CDH18: variants seen among roughly 807,000 people sequenced by gnomAD.
CDH18 encodes the protein cadherin 18, also known as cadherin-18.
A neutral mutation model predicts 67.9 loss-of-function variants in CDH18; 31 were observed. The ratio of observed to expected loss-of-function variants is 0.46; its 90% CI spans 0.34 to 0.62. CDH18 has a LOEUF of 0.62. Among genes scored for constraint, CDH18 ranks in the 20% least tolerant of loss-of-function variants. The pLI, the probability that CDH18 is intolerant of heterozygous loss-of-function variation, is 0.01. For synonymous variants in CDH18, 362 were observed against 347.2 expected (o/e 1.04, Z -0.48); for missense variants, 890 against 975.5 (o/e 0.91, Z 1.17).
intron 2 of CDH18, among the ~76,000 whole-genome samples, chr5:20,052,543 T>A (rs1235936689): frequency 6.6e-6 from 1 of 152,098 alleles, no homozygotes; most frequent in Admixed American, 6.6e-5. Flanking sequence ...ACTGAGTCTA[T>A]AATTGTTTCT....
intron 1 of CDH18, among the ~76,000 whole-genome samples, chr5:20,334,628 AAAG>A (rs1739537010): frequency 6.6e-6 from 1 of 152,278 alleles, no homozygotes; most frequent in African/African-American, 2.4e-5. Context: ...TTATGGGGTG[AAAG>A]AAGAATAGTC....
At chr5:20,529,959 G>C (rs1756299164) in intron 1 of CDH18, among the ~76,000 whole-genome samples, 1 of 152,022 alleles carries the variant, frequency 6.6e-6, no homozygotes, top group Non-Finnish European at 1.5e-5. Context: ...GTCTTTGTTT[G>C]CAGATGACAT....
At chr5:20,195,498 C>T (rs1292632097) in intron 2 of CDH18, among the ~76,000 whole-genome samples, 3 of 151,840 alleles carry the variant, frequency 2.0e-5, no homozygotes, top group Non-Finnish European at 4.4e-5. Context: ...TAAATAAAAC[C>T]AGAGCCAACA....
chr5:19,528,868 C>T (rs182203414), intron 9 of CDH18, among the ~76,000 whole-genome samples: 223 of 151,824 alleles, frequency 1.5e-3, no homozygotes, highest in Non-Finnish European at 2.5e-3. Context: ...ACTTAAAGTA[C>T]GTTACACAAA....
rs912212774 is a variant in CDH18 at position 20,379,935 on chromosome 5, C to A, written c.-579-124430G>T. On this transcript the variant is annotated intron_variant, in intron 1 of 14. Transcript: ENST00000507958. ...GCCTTCTAGATAGACACTAAAAAAA[C>A]CAACATAATATGGTGGTACAGTTGC... Among the ~76,000 whole-genome samples, 118 of 151,990 alleles carry A rather than the reference C, an allele frequency of 7.8e-4. 1 individual carries two copies. The highest frequency in any genetic ancestry group is 3.3e-3 in the South Asian group (16 of 4,812).
intron 2 of CDH18, among the ~76,000 whole-genome samples, chr5:20,197,281 G>A (rs572065416): frequency 8.5e-5 from 13 of 152,266 alleles, no homozygotes; most frequent in Non-Finnish European, 1.6e-4. Flanking sequence ...CAAAGTGCTA[G>A]TATTAAGGCA....
At chr5:19,884,959 C>T (rs181841398) in intron 2 of CDH18, among the ~76,000 whole-genome samples, 1 of 152,192 alleles carries the variant, frequency 6.6e-6, no homozygotes. Context: ...TTCACACTAT[C>T]AAGACATTAT....
chr5:19,552,313 C>T (rs1737599696), intron 8 of CDH18, among the ~76,000 whole-genome samples: 1 of 151,984 alleles, frequency 6.6e-6, no homozygotes, highest in Non-Finnish European at 1.5e-5. Flanking sequence ...GCGCCTCACC[C>T]AAAATTCATA....
intron 1 of CDH18, among the ~76,000 whole-genome samples, chr5:20,504,715 A>G (rs1754548071): frequency 6.6e-6 from 1 of 152,096 alleles, no homozygotes; most frequent in African/African-American, 2.4e-5. Context: ...AACTTAATAA[A>G]AAATAAAGTC....
chr5:20,524,401 T>C (rs186464131), intron 1 of CDH18, among the ~76,000 whole-genome samples: 2 of 152,338 alleles, frequency 1.3e-5, no homozygotes, highest in Admixed American at 1.3e-4. Flanking sequence ...GTTTAGTCAA[T>C]TTGTTATGGA....
chr5:19,844,045 G>A (rs1373688258), intron 2 of CDH18, among the ~76,000 whole-genome samples: 1 of 152,146 alleles, frequency 6.6e-6, no homozygotes, highest in Non-Finnish European at 1.5e-5. Context: ...GATTTTATAG[G>A]CTCCTAGGTG....
chr5:19,774,927 A>AACG, intron 3 of CDH18, among the ~76,000 whole-genome samples: 1 of 150,618 alleles, frequency 6.6e-6, no homozygotes, highest in Non-Finnish European at 1.5e-5. Flanking sequence ...AACAGAACCC[A>AACG]ACGGACCACG....
At position 20,106,348 on chromosome 5, in the gene CDH18, G is replaced by T. The variant is rs138769956; in HGVS notation, c.-517-114334C>A. Among the ~76,000 whole-genome samples, 294 of 152,172 alleles carry T rather than the reference G, an allele frequency of 1.9e-3. 1 individual carries two copies. The highest frequency in any genetic ancestry group is 6.4e-3 in the African/African-American group (267 of 41,498). The stretch of plus-strand genomic sequence containing the variant: ...TCACATTCCTACTTGTTTTCTTAAC[G>T]CTGTTTACACCTGTTAAATAATCAC... On this transcript the variant is annotated intron_variant, in intron 2 of 14. Transcript: ENST00000507958.
At chr5:19,654,747 G>T (rs1215119320) in intron 5 of CDH18, among the ~76,000 whole-genome samples, 1 of 152,194 alleles carries the variant, frequency 6.6e-6, no homozygotes, top group Non-Finnish European at 1.5e-5. Flanking sequence ...CTGAAGGATG[G>T]TAAAGGCGGG....
At chr5:19,552,782 A>G (rs910344482) in intron 8 of CDH18, among the ~76,000 whole-genome samples, 3 of 152,126 alleles carry the variant, frequency 2.0e-5, no homozygotes, top group Admixed American at 2.0e-4. Context: ...AACTAATTTC[A>G]CACTGACAGA....
At chr5:20,010,823 G>A (rs1737375673) in intron 2 of CDH18, among the ~76,000 whole-genome samples, 1 of 152,004 alleles carries the variant, frequency 6.6e-6, no homozygotes, top group Non-Finnish European at 1.5e-5. Flanking sequence ...TCTTGTCAGA[G>A]ACCAGAATTT....
At chr5:20,293,260 T>C (rs946987317) in intron 1 of CDH18, among the ~76,000 whole-genome samples, 2 of 152,050 alleles carry the variant, frequency 1.3e-5, no homozygotes, top group Non-Finnish European at 2.9e-5. Context: ...GAGTTTGCAG[T>C]GAGCTGAGAT....
intron 4 of CDH18, among the ~76,000 whole-genome samples, chr5:19,732,589 T>A (rs973364802): frequency 3.3e-5 from 5 of 152,202 alleles, no homozygotes; most frequent in Admixed American, 6.5e-5. Context: ...TTATAGTAAT[T>A]AAGCCCATAA....
intron 10 of CDH18, among the ~76,000 whole-genome samples, chr5:19,519,573 C>G (rs1227230047): frequency 2.0e-5 from 3 of 152,176 alleles, no homozygotes; most frequent in African/African-American, 7.2e-5. Context: ...AATCCCTCTG[C>G]CTTCAGTGTG....
Sources: gnomAD v4.1 joint callset for allele counts (sites outside exome capture counted in the v4.1 genomes callset) on GRCh38, gnomAD v4.1.1 for gene constraint, MANE v1.5 for transcripts, NCBI Gene and HGNC (gene_info 2026-07-23, HGNC 2026-07-21) for gene names.